The following PPM1E variants were observed in gnomAD, a reference collection of about 807,000 sequenced individuals.
PPM1E encodes the protein protein phosphatase, Mg2+/Mn2+ dependent 1E.
A neutral mutation model predicts 65.9 loss-of-function variants in PPM1E; 20 were observed. The ratio of observed to expected loss-of-function variants is 0.30; its 90% CI spans 0.21 to 0.44. The LOEUF is 0.44. Ranked by LOEUF, PPM1E falls within the 20% of genes least tolerant of loss-of-function variation. The pLI, the probability that PPM1E is intolerant of heterozygous loss-of-function variation, is 1.00. For missense variants in PPM1E, 713 were observed against 953.1 expected (o/e 0.75, Z 3.32); for synonymous variants, 352 against 374.9 (o/e 0.94, Z 0.70).
intron 1 of PPM1E, among the ~76,000 whole-genome samples, chr17:58,905,202 T>C (rs1251838097): frequency 6.6e-6 from 1 of 152,204 alleles, no homozygotes; most frequent in Non-Finnish European, 1.5e-5. Context: ...TTTAATTCTT[T>C]TTCTTGTCTT....
At chr17:58,778,984 T>C (rs1598565414) in intron 1 of PPM1E, among the ~76,000 whole-genome samples, 1 of 144,034 alleles carries the variant, frequency 6.9e-6, no homozygotes, top group East Asian at 2.0e-4. Context: ...CCTGCTTTTT[T>C]CCTTCAACAC....
intron 1 of PPM1E, among the ~76,000 whole-genome samples, chr17:58,779,999 A>G (rs574477165): frequency 6.6e-6 from 1 of 152,276 alleles, no homozygotes; most frequent in Non-Finnish European, 1.5e-5. Context: ...ATTAATGAAG[A>G]TTGTGATGCT....
At chr17:58,862,746 A>G (rs929775716) in intron 1 of PPM1E, among the ~76,000 whole-genome samples, 5 of 152,210 alleles carry the variant, frequency 3.3e-5, no homozygotes, top group African/African-American at 1.2e-4. Flanking sequence ...TTCCCCAAGT[A>G]ATCATTTTAT....
chr17:58,873,446 A>G (rs2051093052), intron 1 of PPM1E, among the ~76,000 whole-genome samples: 1 of 152,062 alleles, frequency 6.6e-6, no homozygotes, highest in Admixed American at 6.6e-5. Flanking sequence ...GCAGTGAAAA[A>G]CCATGTATCT....
rs1464460257 is a variant in PPM1E at position 58,959,329 on chromosome 17, AC to A, written c.583+3563del. ...CGTCTCAAAAAAAAAAAAAAAAAAA[AC>A]GACTCATGCCTGTAATCCCAGCACT... is the stretch of plus-strand genomic sequence containing the variant. On this transcript the variant is annotated intron_variant, in intron 2 of 6. Coordinates refer to ENST00000308249, the MANE Select transcript of PPM1E (RefSeq NM_014906.5). 5.5e-4 allele frequency among the ~76,000 whole-genome samples: 72 copies of A among 131,828 alleles called. 1 individual carries two copies. The South Asian group carries it at 6.4e-3, about 12-fold the overall frequency. 86.5% of individuals were successfully genotyped at this position (131,828 alleles called of 152,430 possible). A position where few individuals can be genotyped will look rare whatever the true frequency, so the allele number is the denominator to read the frequency against.
At chr17:58,831,046 A>G (rs1277956595) in intron 1 of PPM1E, among the ~76,000 whole-genome samples, 1 of 134,036 alleles carries the variant, frequency 7.5e-6, no homozygotes, top group Non-Finnish European at 1.6e-5. Context: ...GTCTCACTCT[A>G]ATCACCCAGG....
intron 1 of PPM1E, among the ~76,000 whole-genome samples, chr17:58,908,089 T>C (rs181419579): frequency 1.3e-5 from 2 of 151,774 alleles, no homozygotes; most frequent in Non-Finnish European, 1.5e-5. Context: ...TTTTTTTTTT[T>C]AATTTTTTTT....
intron 1 of PPM1E, among the ~76,000 whole-genome samples, chr17:58,816,177 C>T (rs1352824846): frequency 6.6e-6 from 1 of 151,994 alleles, no homozygotes; most frequent in Admixed American, 6.6e-5. Flanking sequence ...AGGTGCGTGC[C>T]ACCACGCCCA....
intron 1 of PPM1E, among the ~76,000 whole-genome samples, chr17:58,906,664 T>G (rs955893643): frequency 1.3e-5 from 2 of 152,100 alleles, no homozygotes; most frequent in Non-Finnish European, 1.5e-5. Context: ...TTTTTAATTT[T>G]TATGGGTACA....
chr17:58,802,000 C>T (rs569834525), intron 1 of PPM1E, among the ~76,000 whole-genome samples: 1 of 152,208 alleles, frequency 6.6e-6, no homozygotes, highest in South Asian at 2.1e-4. Context: ...TCAAGTGATC[C>T]ACCCACCTCA....
intron 1 of PPM1E, among the ~76,000 whole-genome samples, chr17:58,919,389 C>T (rs1243969123): frequency 1.3e-5 from 2 of 152,108 alleles, no homozygotes; most frequent in East Asian, 1.9e-4. Context: ...TACTGAGTAC[C>T]TTCTGTGTGC....
At chr17:58,818,030 C>T (rs371522120) in intron 1 of PPM1E, among the ~76,000 whole-genome samples, 4 of 152,134 alleles carry the variant, frequency 2.6e-5, no homozygotes, top group African/African-American at 9.7e-5. Context: ...TGAGCCACCG[C>T]GCCCGGCCCA....
At chr17:58,759,247 C>T (rs2049799792) in intron 1 of PPM1E, among the ~76,000 whole-genome samples, 1 of 151,876 alleles carries the variant, frequency 6.6e-6, no homozygotes, top group African/African-American at 2.4e-5. Flanking sequence ...GACAGTGAGA[C>T]GTTGTCTCAA....
At chr17:58,817,814 C>T (rs7217923) in intron 1 of PPM1E, among the ~76,000 whole-genome samples, 22,036 of 151,670 alleles carry the variant, frequency 0.15, 2,484 homozygotes, top group East Asian at 0.31. Flanking sequence ...TGCAGTGGCA[C>T]GATCTCCGCT....
At chr17:58,767,394 G>T (rs1284428730) in intron 1 of PPM1E, among the ~76,000 whole-genome samples, 1 of 152,124 alleles carries the variant, frequency 6.6e-6, no homozygotes, top group Admixed American at 6.6e-5. Context: ...TTATAATTAT[G>T]ATGTTCATTT....
At chr17:58,881,776 G>A (rs1293930867) in intron 1 of PPM1E, among the ~76,000 whole-genome samples, 1 of 151,938 alleles carries the variant, frequency 6.6e-6, no homozygotes, top group Non-Finnish European at 1.5e-5. Context: ...CCCAGAGACG[G>A]AGGTTACATT....
At chr17:58,897,281 G>C (rs966395634) in intron 1 of PPM1E, among the ~76,000 whole-genome samples, 1 of 152,038 alleles carries the variant, frequency 6.6e-6, no homozygotes, top group South Asian at 2.1e-4. Context: ...GGGCATGGTG[G>C]TGGGCGCCTG....
chr17:58,901,771 G>A (rs1191114041), intron 1 of PPM1E, among the ~76,000 whole-genome samples: 1 of 152,096 alleles, frequency 6.6e-6, no homozygotes, highest in African/African-American at 2.4e-5. Context: ...GAGGTAGGGA[G>A]TTCAAGACCA....
intron 1 of PPM1E, among the ~76,000 whole-genome samples, chr17:58,895,948 A>G (rs2051408450): frequency 8.4e-6 from 1 of 118,610 alleles, no homozygotes; most frequent in South Asian, 3.0e-4. Flanking sequence ...TGCTAAACAT[A>G]CAAAAAAAAA....
Sources: allele counts gnomAD v4.1 joint callset (sites outside exome capture counted in the v4.1 genomes callset), GRCh38; gene constraint gnomAD v4.1.1; transcripts MANE v1.5; gene names NCBI Gene and HGNC (gene_info 2026-07-23, HGNC 2026-07-21).